Variants in BTNL9 observed in about 807,000 individuals in gnomAD.
BTNL9 encodes butyrophilin like 9.
BTNL9 carries 45 observed loss-of-function variants against 45.8 expected under a neutral mutation model. The ratio of observed to expected loss-of-function variants is 0.98; its 90% CI spans 0.77 to 1.26. The LOEUF is 1.26. BTNL9 is among the 50% of genes most tolerant of loss of function. The probability of loss-of-function intolerance (pLI) is 0.00; values close to 1 mark genes in which losing one functional copy is unlikely to be tolerated. For synonymous variants in BTNL9, 346 were observed against 330.8 expected (o/e 1.05, Z -0.50); for missense variants, 784 against 729.7 (o/e 1.07, Z -0.86).
chr5:181,044,621 C>T (rs141147817), intron 1 of BTNL9, among the ~76,000 whole-genome samples: 192 of 152,300 alleles, frequency 1.3e-3, no homozygotes, highest in African/African-American at 4.5e-3. Flanking sequence ...TCTTGCAGAA[C>T]TAAATGCAAG....
At chr5:181,041,800 TTGAG>T (rs1760786967) in intron 1 of BTNL9, among the ~76,000 whole-genome samples, 1 of 152,244 alleles carries the variant, frequency 6.6e-6, no homozygotes, top group Non-Finnish European at 1.5e-5. Context: ...AAGACTTAGT[TTGAG>T]TAAGTACCTT....
At position 181,056,021 on chromosome 5, in the gene BTNL9, T is replaced by A; in HGVS notation, c.955+6T>A. Reference sequence around the variant, plus strand: ...ACGGGCTGAAGGCCAGGCTGGTGAGTGGAACCCATCTCTCTCTGACTCCTC... The same window carrying A: ...ACGGGCTGAAGGCCAGGCTGGTGAGAGGAACCCATCTCTCTCTGACTCCTC... On this transcript the variant is annotated splice_donor_region_variant and intron_variant, in intron 9 of 10. Coordinates refer to ENST00000327705, the MANE Select transcript of BTNL9 (RefSeq NM_152547.5). The A allele has an allele frequency of 6.2e-7, 1 of 1,614,090 alleles. No homozygotes were observed. Among genetic ancestry groups the A allele is most frequent in the South Asian group, 1.1e-5 (1 of 91,076 alleles).
Position 181,053,141 on chromosome 5 carries a change from C to T in BTNL9, c.737-59C>T. ...CCCGGCACGCGGCGGGCAGGCCGGT[C>T]TCGCCTCTCGGTGCTCAGCGGCGCC... On this transcript the variant is annotated intron_variant, in intron 4 of 10. Transcript: ENST00000327705. This position sits in a 1 kb window ranked among gnomAD's most constrained non-coding sequence, Gnocchi z 6.5. 3 of 1,420,714 alleles carry T rather than the reference C, an allele frequency of 2.1e-6. No individual in the cohort carries two copies. Among genetic ancestry groups the T allele is most frequent in the Non-Finnish European group, 2.9e-6 (3 of 1,047,292 alleles). 88.0% of individuals were successfully genotyped at this position (1,420,714 alleles called of 1,614,324 possible).
chr5:181,044,490 G>C (rs1257492372), intron 1 of BTNL9, among the ~76,000 whole-genome samples: 2 of 152,212 alleles, frequency 1.3e-5, no homozygotes, highest in Non-Finnish European at 2.9e-5. Flanking sequence ...GGGAAGGCAG[G>C]GGGAAGGGAG....
In BTNL9 at chr5:181,053,134, G is replaced by A. The variant is rs1223441780; in HGVS notation, c.737-66G>A. On this transcript the variant is annotated intron_variant, in intron 4 of 10. Coordinates refer to ENST00000327705, the MANE Select transcript of BTNL9 (RefSeq NM_152547.5). This position sits in a 1 kb window ranked among gnomAD's most constrained non-coding sequence, Gnocchi z 6.5. The stretch of plus-strand genomic sequence containing the variant: ...GAGGTTTCCCGGCACGCGGCGGGCA[G>A]GCCGGTCTCGCCTCTCGGTGCTCAG... The A allele has an allele frequency of 5.1e-6, 7 of 1,366,970 alleles. No homozygotes were observed. Among genetic ancestry groups the A allele is most frequent in the African/African-American group, 1.5e-5 (1 of 65,946 alleles). The allele number at this position is 1,366,970 out of a possible 1,614,324, so 84.7% of individuals were successfully genotyped here.
At chr5:181,051,849 A>C (rs59990476) in intron 4 of BTNL9, among the ~76,000 whole-genome samples, 2,020 of 152,242 alleles carry the variant, frequency 0.013, 49 homozygotes, top group African/African-American at 0.046. Flanking sequence ...ATTATGAAAC[A>C]AGTTTATATA....
In BTNL9 at chr5:181,059,410, T is replaced by G; in HGVS notation, c.1156T>G (p.Trp386Gly). ...GCGGTTCTCCGCCGGCCGCCACTAC[T>G]GGGAGGTGCACGTGGGCCGCCGCAG... is the stretch of plus-strand genomic sequence containing the variant. The part of the protein sequence containing the change: ...LERFSAGRHY[W>G]EVHVGRRSRW... The change falls in exon 11 of 11, where the codon TGG becomes GGG. Residue 386 changes from tryptophan to glycine, a missense_variant. Coordinates refer to ENST00000327705, the MANE Select transcript of BTNL9 (RefSeq NM_152547.5). 1 of 1,508,492 alleles carries G rather than the reference T, an allele frequency of 6.6e-7. No homozygotes were observed. Among genetic ancestry groups the G allele is most frequent in the Non-Finnish European group, 8.8e-7 (1 of 1,132,024 alleles). The allele number at this position is 1,508,492 out of a possible 1,614,324, so 93.4% of individuals were successfully genotyped here.
intron 1 of BTNL9, among the ~76,000 whole-genome samples, chr5:181,044,382 T>C (rs1582114651): frequency 6.6e-6 from 1 of 151,302 alleles, no homozygotes; most frequent in African/African-American, 2.4e-5. Flanking sequence ...ACAGAGAGGG[T>C]TGGAGAGAGG....
chr5:181,056,840 C>T (rs1207631860), intron 9 of BTNL9: 6 of 515,210 alleles, frequency 1.2e-5, no homozygotes, highest in Non-Finnish European at 2.1e-5. Flanking sequence ...TAAGTGATGG[C>T]TCATTGTTCT....
Position 181,061,116 on chromosome 5 carries a change from TAGG to T in BTNL9, c.*1257_*1259del, listed in dbSNP as rs1381853079. On this transcript the variant is annotated 3_prime_UTR_variant, in exon 11 of 11. Coordinates refer to ENST00000327705, the MANE Select transcript of BTNL9 (RefSeq NM_152547.5). ...GTGAGACATTTGTACTGTGGCTATG[TAGG>T]AGAACATTCTTGTTCTTAGCAAACA... is the stretch of plus-strand genomic sequence containing the variant. 1.3e-5 allele frequency: 2 copies of T among 152,362 alleles called. No individual in the cohort carries two copies. The highest frequency in any genetic ancestry group is 1.3e-4 in the Admixed American group (2 of 15,314). The allele number at this position is 152,362 out of a possible 1,614,324, so 9.4% of individuals were successfully genotyped here. A position where few individuals can be genotyped will look rare whatever the true frequency, so the allele number is the denominator to read the frequency against.
Position 181,045,514 on chromosome 5 carries a change from G to A in BTNL9, c.25G>A (p.Asp9Asn). The A allele has an allele frequency of 4.3e-6, 7 of 1,611,524 alleles. No individual in the cohort carries two copies. The highest frequency in any genetic ancestry group is 5.9e-6 in the Non-Finnish European group (7 of 1,178,356). ...GATGGTGGACCTCTCAGTCTCCCCA[G>A]ACTCCTTGAAGCCAGTATCGCTGAC... MVDLSVSP[D>N]SLKPVSLTSS... The change falls in exon 2 of 11, where the codon GAC (aspartate) becomes AAC (asparagine). Residue 9 changes from aspartate to asparagine, a missense_variant. By Grantham distance (23) the Asp-to-Asn change is conservative. Coordinates refer to ENST00000327705, the MANE Select transcript of BTNL9 (RefSeq NM_152547.5).
intron 3 of BTNL9, among the ~76,000 whole-genome samples, chr5:181,048,748 T>TCTATAG (rs1554155889): frequency 7.7e-6 from 1 of 130,454 alleles, no homozygotes; most frequent in Non-Finnish European, 1.6e-5. Flanking sequence ...TCTATCTATA[T>TCTATAG]ATATAGATAT....
At chr5:181,059,009 TC>T (rs985990908) in intron 10 of BTNL9, 6 of 314,912 alleles carry the variant, frequency 1.9e-5, no homozygotes. Flanking sequence ...TCAGGGACCT[TC>T]CAGTTCAGGA....
chr5:181,044,933 AGGCAGCCAC>A, intron 1 of BTNL9, among the ~76,000 whole-genome samples: 1 of 152,168 alleles, frequency 6.6e-6, no homozygotes, highest in Non-Finnish European at 1.5e-5. Context: ...TGGGGCTGGC[AGGCAGCCAC>A]CTGCATGCAC....
In BTNL9 at chr5:181,047,907, G is replaced by A; in HGVS notation, c.110-20G>A. 1 of 1,602,526 alleles carries A rather than the reference G, an allele frequency of 6.2e-7. No homozygotes were observed. ...AATTGGATGAGGGTTGCTTTTGCCT[G>A]TTCTGACTTGTCATCCTAGAGGTCA... On this transcript the variant is annotated intron_variant, in intron 2 of 10. Coordinates refer to ENST00000327705, the MANE Select transcript of BTNL9 (RefSeq NM_152547.5).
At position 181,048,748 on chromosome 5, in the gene BTNL9, T is replaced by G. The variant is rs957027949; in HGVS notation, c.454+477T>G. 1.8e-4 allele frequency among the ~76,000 whole-genome samples: 24 copies of G among 130,448 alleles called. No homozygotes were observed. The South Asian group carries it at 3.6e-3, about 20-fold the overall frequency. The allele number at this position is 130,448 out of a possible 152,430, so 85.6% of individuals were successfully genotyped here. A position where few individuals can be genotyped will look rare whatever the true frequency, so the allele number is the denominator to read the frequency against. ...ATATCTATATATATATCTATCTATA[T>G]ATATAGATATAGATATATATAGTAT... On this transcript the variant is annotated intron_variant, in intron 3 of 10. Coordinates refer to ENST00000327705, the MANE Select transcript of BTNL9 (RefSeq NM_152547.5).
intron 1 of BTNL9, among the ~76,000 whole-genome samples, chr5:181,041,056 T>C (rs972819636): frequency 1.3e-5 from 2 of 152,266 alleles, no homozygotes; most frequent in African/African-American, 4.8e-5. Context: ...AAATACTTCC[T>C]GTGTTTGGGA....
At chr5:181,045,729 G>C in intron 2 of BTNL9, 131 bp downstream of exon 2, 1 of 709,424 alleles carries the variant, frequency 1.4e-6, no homozygotes, top group East Asian at 2.8e-5. Flanking sequence ...CTTCCATCCT[G>C]GTTGTTAAAG....
chr5:181,045,444 A>C (rs771388236), intron 1 of BTNL9, 23 bp from the exon 2 acceptor site: 1 of 1,311,140 alleles, frequency 7.6e-7, no homozygotes, highest in African/African-American at 1.5e-5. Context: ...ACGTCGCTCC[A>C]GCACCCCTTT....
Sources: allele counts gnomAD v4.1 joint callset (sites outside exome capture counted in the v4.1 genomes callset), GRCh38; gene constraint gnomAD v4.1.1; non-coding constraint Gnocchi (gnomAD v3.1); transcripts MANE v1.5; gene names NCBI Gene and HGNC (gene_info 2026-07-23, HGNC 2026-07-21).